IPO11: variants seen among roughly 807,000 people sequenced by gnomAD.
IPO11 encodes importin 11, also known as importin-11.
Under a neutral mutation model 143.2 loss-of-function variants are expected in IPO11, and 66 were observed. The observed-to-expected ratio is 0.46, with a 90% CI of 0.38 to 0.57. The LOEUF (loss-of-function observed/expected upper bound fraction) is 0.57, where lower values mean the gene tolerates loss of function less well. Ranked by LOEUF, IPO11 falls within the 20% of genes least tolerant of loss-of-function variation. The probability of loss-of-function intolerance (pLI) is 0.00; values close to 1 mark genes in which losing one functional copy is unlikely to be tolerated. For missense variants in IPO11, 1,026 were observed against 1,141.0 expected (o/e 0.90, Z 1.45); for synonymous variants, 385 against 377.8 (o/e 1.02, Z -0.22).
chr5:62,419,762 G>A (rs1743433204), intron 1 of IPO11, among the ~76,000 whole-genome samples: 1 of 152,046 alleles, frequency 6.6e-6, no homozygotes. Context: ...GGGAAGCTGA[G>A]GTGGGAGGAT....
At chr5:62,580,921 A>T (rs2112405512) in intron 27 of IPO11, 1 of 1,551,342 alleles carries the variant, frequency 6.4e-7, no homozygotes, top group Non-Finnish European at 8.7e-7. Context: ...TGTTACCTTG[A>T]ACTTGGAAAA....
chr5:62,614,257 A>G (rs560072085), intron 29 of IPO11, among the ~76,000 whole-genome samples: 15 of 152,354 alleles, frequency 9.8e-5, no homozygotes, highest in Admixed American at 5.2e-4. Flanking sequence ...GCTGCAAGAA[A>G]CCTGATGAGT....
At chr5:62,464,243 G>A (rs1049432429) in intron 5 of IPO11, among the ~76,000 whole-genome samples, 5 of 138,474 alleles carry the variant, frequency 3.6e-5, no homozygotes, top group Non-Finnish European at 6.1e-5. Context: ...TCTGCCTCCC[G>A]GATTCTCCCG....
intron 2 of IPO11, among the ~76,000 whole-genome samples, chr5:62,439,648 C>G (rs1408022811): frequency 1.3e-5 from 2 of 151,200 alleles, no homozygotes; most frequent in African/African-American, 4.9e-5. Context: ...TGTCAAACTC[C>G]TGGGCTCAAA....
intron 27 of IPO11, among the ~76,000 whole-genome samples, chr5:62,590,842 T>A (rs1267432123): frequency 6.6e-6 from 1 of 152,190 alleles, no homozygotes; most frequent in Admixed American, 6.5e-5. Flanking sequence ...GAGCATCCTT[T>A]TAGGATGCTC....
chr5:62,453,282 G>A (rs1453555558), intron 5 of IPO11, among the ~76,000 whole-genome samples: 3 of 151,060 alleles, frequency 2.0e-5, no homozygotes, highest in Non-Finnish European at 2.9e-5. Flanking sequence ...GTGGTCTTAA[G>A]CAGCTTTTCC....
chr5:62,536,827 T>G (rs1427653765), intron 23 of IPO11, 46 bp downstream of exon 23: 2 of 1,397,740 alleles, frequency 1.4e-6, no homozygotes, highest in African/African-American at 3.1e-5. Flanking sequence ...ATAATTATTA[T>G]TTTGATTATT....
chr5:62,537,803 CCTGT>C (rs1446709096), intron 24 of IPO11, among the ~76,000 whole-genome samples: 1 of 151,672 alleles, frequency 6.6e-6, no homozygotes, highest in Non-Finnish European at 1.5e-5. Context: ...ATATATTATA[CCTGT>C]CTATTAAAGA....
rs186606587 is a variant in IPO11, at chr5:62,597,812, G to A, written c.2679-3952G>A. Among the ~76,000 whole-genome samples the A allele has an allele frequency of 5.3e-5, 8 of 152,194 alleles. No homozygotes were observed. In the East Asian group the frequency reaches 1.4e-3, roughly 26 times the overall value. The stretch of plus-strand genomic sequence containing the variant: ...AATATTTATATAAGTGACTATACAA[G>A]GACTGTCCGTTTTAACAATAAAGAA... On this transcript the variant is annotated intron_variant, in intron 28 of 29. Coordinates refer to ENST00000325324, the MANE Select transcript of IPO11 (RefSeq NM_016338.5).
At chr5:62,535,444 T>C (rs758365589) in intron 22 of IPO11, among the ~76,000 whole-genome samples, 5 of 152,110 alleles carry the variant, frequency 3.3e-5, no homozygotes, top group Non-Finnish European at 7.4e-5. Context: ...AAAAGGATAA[T>C]GTGAATTTTT....
chr5:62,475,047 C>T (rs1359182027), intron 8 of IPO11, among the ~76,000 whole-genome samples: 1 of 152,032 alleles, frequency 6.6e-6, no homozygotes, highest in East Asian at 1.9e-4. Context: ...GCACCTGATA[C>T]TGAGGAAAGC....
intron 27 of IPO11, among the ~76,000 whole-genome samples, chr5:62,582,268 G>A (rs1409856808): frequency 6.6e-6 from 1 of 152,198 alleles, no homozygotes; most frequent in East Asian, 1.9e-4. Context: ...AGAGGCCTGG[G>A]CCAGGATACT....
chr5:62,503,336 T>C (rs1190475206), intron 16 of IPO11, among the ~76,000 whole-genome samples: 1 of 131,984 alleles, frequency 7.6e-6, no homozygotes, highest in Non-Finnish European at 1.6e-5. Flanking sequence ...TCTACTAATA[T>C]ATTAATAGTA....
chr5:62,485,667 T>C (rs570154118), intron 12 of IPO11, among the ~76,000 whole-genome samples: 11 of 151,948 alleles, frequency 7.2e-5, no homozygotes, highest in African/African-American at 2.2e-4. Context: ...AGTGAGACCC[T>C]GTCTCTGCAA....
chr5:62,594,411 C>T (rs187286968), intron 28 of IPO11, among the ~76,000 whole-genome samples: 53 of 152,158 alleles, frequency 3.5e-4, no homozygotes, highest in African/African-American at 1.3e-3. Context: ...GGTTACTTAA[C>T]TGGTTGGCTC....
chr5:62,580,567 TCAGCC>T, intron 27 of IPO11: 2 of 1,551,496 alleles, frequency 1.3e-6, no homozygotes, highest in Non-Finnish European at 1.7e-6. Context: ...GCTAGCATCT[TCAGCC>T]ATTACTCTAA....
At chr5:62,455,565 T>C (rs1745102225) in intron 5 of IPO11, among the ~76,000 whole-genome samples, 1 of 152,104 alleles carries the variant, frequency 6.6e-6, no homozygotes, top group Non-Finnish European at 1.5e-5. Context: ...CTGGTTGCTA[T>C]AGCAAAGTGT....
chr5:62,565,589 A>C (rs1199423390), intron 27 of IPO11, among the ~76,000 whole-genome samples: 1 of 152,108 alleles, frequency 6.6e-6, no homozygotes, highest in Non-Finnish European at 1.5e-5. Context: ...CCACATTTTG[A>C]TTTTTTGATG....
At chr5:62,547,201 T>G (rs913795326) in intron 24 of IPO11, among the ~76,000 whole-genome samples, 7 of 152,140 alleles carry the variant, frequency 4.6e-5, no homozygotes, top group Non-Finnish European at 1.0e-4. Flanking sequence ...TTCAGTAGTA[T>G]TATTGTCATC....
Sources: allele counts gnomAD v4.1 joint callset (sites outside exome capture counted in the v4.1 genomes callset), GRCh38; gene constraint gnomAD v4.1.1; transcripts MANE v1.5; gene names NCBI Gene and HGNC (gene_info 2026-07-23, HGNC 2026-07-21).